Variants in NTRK2 observed in about 807,000 individuals in gnomAD.
NTRK2 encodes the protein neurotrophic receptor tyrosine kinase 2, also known as BDNF/NT-3 growth factors receptor.
In NTRK2, 13 loss-of-function variants were observed where a neutral mutation model predicts 94.5. The observed-to-expected ratio is 0.14, with a 90% CI of 0.09 to 0.22. The LOEUF is 0.22. Among genes scored for constraint, NTRK2 ranks in the 10% least tolerant of loss-of-function variants. The pLI is 1.00. For missense variants in NTRK2, 639 were observed against 1,071.2 expected, an observed-to-expected ratio of 0.60 and a Z score of 5.63; for synonymous variants, 372 against 407.4, an observed-to-expected ratio of 0.91 and a Z score of 1.05.
chr9:84,736,474 G>A (rs373862784), intron 9 of NTRK2, among the ~76,000 whole-genome samples: 2 of 152,156 alleles, frequency 1.3e-5, no homozygotes, highest in Non-Finnish European at 2.9e-5. Context: ...TCTAAAGAAC[G>A]AGGGGAGAGG....
rs146065112 is a variant in NTRK2, at chr9:84,673,263, G to A, written c.212+2303G>A. Among the ~76,000 whole-genome samples the A allele has an allele frequency of 1.3e-3, 203 of 152,298 alleles. 2 individuals are homozygous for A. The highest frequency in any genetic ancestry group is 4.7e-3 in the African/African-American group (195 of 41,568). Reference sequence around the variant, plus strand: ...TGACCTAAAAATGACATCAGTGGATGCGCTTGTTTCACTCGCATCCTTATA... The same window carrying A: ...TGACCTAAAAATGACATCAGTGGATACGCTTGTTTCACTCGCATCCTTATA... On this transcript the variant is annotated intron_variant, in intron 2 of 18. Coordinates refer to ENST00000277120, the MANE Select transcript of NTRK2 (RefSeq NM_006180.6).
At chr9:84,867,124 TG>T in intron 13 of NTRK2, 118 bp from the exon 14 acceptor site, 2 of 920,088 alleles carry the variant, frequency 2.2e-6, no homozygotes, top group Non-Finnish European at 3.4e-6. Context: ...TGTACTACTC[TG>T]TGAATATACT....
chr9:84,707,963 G>T lies in NTRK2; in HGVS notation c.428+51G>T, dbSNP rs568541269. ...TGGGGAAATGTTTTCAAAGGAAGGG[G>T]TAATTAAGTATTTTTCTTTTAATGA... On this transcript the variant is annotated intron_variant, in intron 5 of 18. Coordinates refer to ENST00000277120, the MANE Select transcript of NTRK2 (RefSeq NM_006180.6). 10 of 1,433,514 alleles carry T rather than the reference G, an allele frequency of 7.0e-6. No homozygotes were observed. In the South Asian group the frequency reaches 1.2e-4, roughly 17 times the overall value. 88.8% of individuals were successfully genotyped at this position (1,433,514 alleles called of 1,614,324 possible).
At chr9:84,891,923 G>T (rs1230481955) in intron 14 of NTRK2, among the ~76,000 whole-genome samples, 7 of 147,738 alleles carry the variant, frequency 4.7e-5, no homozygotes, top group East Asian at 2.0e-4. Flanking sequence ...ACTAAAACTG[G>T]TTTTTTTTTT....
At chr9:84,709,655 T>G (rs2061312229) in intron 5 of NTRK2, among the ~76,000 whole-genome samples, 1 of 152,084 alleles carries the variant, frequency 6.6e-6, no homozygotes, top group Non-Finnish European at 1.5e-5. Context: ...TTCACGGAAA[T>G]CTTAAGTATT....
intron 12 of NTRK2, chr9:84,814,574 A>G (rs2072179760): frequency 9.4e-7 from 1 of 1,065,840 alleles, no homozygotes; most frequent in African/African-American, 1.6e-5. Context: ...TGGAATCAAG[A>G]TACTACACAA....
chr9:84,921,948 C>T (rs891116487), intron 14 of NTRK2, among the ~76,000 whole-genome samples: 2 of 152,060 alleles, frequency 1.3e-5, no homozygotes, highest in Non-Finnish European at 2.9e-5. Context: ...CCATCTTAAA[C>T]TCTTTGGTAC....
At chr9:84,720,020 A>G in intron 6 of NTRK2, among the ~76,000 whole-genome samples, 1 of 51,956 alleles carries the variant, frequency 1.9e-5, no homozygotes, top group East Asian at 9.5e-4. Flanking sequence ...ACTATCTCAA[A>G]AAAAAAAAAA....
chr9:84,752,215 C>T, intron 12 of NTRK2, 130 bp downstream of exon 12: 1 of 762,984 alleles, frequency 1.3e-6, no homozygotes, highest in Non-Finnish European at 2.3e-6. Context: ...AAAATAGCAA[C>T]AAGGCTTTGA....
chr9:84,878,655 A>G (rs1407895373), intron 14 of NTRK2, among the ~76,000 whole-genome samples: 1 of 151,316 alleles, frequency 6.6e-6, no homozygotes, highest in East Asian at 1.9e-4. Flanking sequence ...AAAAATTCTG[A>G]TATTTTTTAA....
At chr9:84,814,673 T>C (rs1336680368) in intron 12 of NTRK2, 2 of 1,065,090 alleles carry the variant, frequency 1.9e-6, no homozygotes, top group Non-Finnish European at 2.3e-6. Context: ...TGAATCTGAT[T>C]CCTTCACACT....
At chr9:84,944,144 G>A (rs1032146627) in intron 15 of NTRK2, among the ~76,000 whole-genome samples, 8 of 149,502 alleles carry the variant, frequency 5.4e-5, no homozygotes, top group Non-Finnish European at 5.9e-5. Context: ...GGAAATGTTA[G>A]ATGCTTCTTA....
intron 12 of NTRK2, chr9:84,812,677 T>G: frequency 9.6e-7 from 1 of 1,043,144 alleles, no homozygotes; most frequent in Non-Finnish European, 1.2e-6. Context: ...CAAAAAAGAT[T>G]TTTAAAGCTT....
intron 12 of NTRK2, among the ~76,000 whole-genome samples, chr9:84,783,806 A>G (rs2067850810): frequency 6.7e-6 from 1 of 149,714 alleles, no homozygotes; most frequent in African/African-American, 2.5e-5. Context: ...GGGAGAAGAG[A>G]CTGCTGGGTT....
In NTRK2 at chr9:84,700,641, T is replaced by C. The variant is rs546217764; in HGVS notation, c.213-1518T>C. On this transcript the variant is annotated intron_variant, in intron 2 of 18. Transcript: ENST00000277120. Reference sequence around the variant, plus strand: ...TTAAAATTTATTTTCTAAAAAGAGGTGCCCAAACCCTTACTATACAGCTTG... The same window carrying C: ...TTAAAATTTATTTTCTAAAAAGAGGCGCCCAAACCCTTACTATACAGCTTG... Among the ~76,000 whole-genome samples the C allele has an allele frequency of 2.6e-5, 4 of 152,280 alleles. No homozygotes were observed. The East Asian group carries it at 7.7e-4, about 29-fold the overall frequency.
intron 12 of NTRK2, among the ~76,000 whole-genome samples, chr9:84,841,689 C>T (rs914911053): frequency 1.3e-4 from 20 of 152,162 alleles, no homozygotes; most frequent in African/African-American, 4.6e-4. Context: ...CTGTCCCGGT[C>T]CCTCCTCCCA....
intron 12 of NTRK2, among the ~76,000 whole-genome samples, chr9:84,759,497 T>C (rs1471733735): frequency 6.6e-6 from 1 of 152,256 alleles, no homozygotes; most frequent in Non-Finnish European, 1.5e-5. Flanking sequence ...GAGCTCTTGT[T>C]TTCCTGTAAT....
intron 14 of NTRK2, among the ~76,000 whole-genome samples, chr9:84,915,025 T>TA (rs748418882): frequency 2.0e-4 from 30 of 152,276 alleles, no homozygotes; most frequent in Non-Finnish European, 3.4e-4. Context: ...AGGCATTAGT[T>TA]AGAGTCTCAT....
intron 14 of NTRK2, among the ~76,000 whole-genome samples, chr9:84,880,356 G>A (rs888340835): frequency 2.0e-5 from 3 of 152,172 alleles, no homozygotes; most frequent in African/African-American, 7.2e-5. Context: ...GGAGGCCAAG[G>A]GAACACAGTG....
Sources: gnomAD v4.1 joint callset for allele counts (sites outside exome capture counted in the v4.1 genomes callset) on GRCh38, gnomAD v4.1.1 for gene constraint, MANE v1.5 for transcripts, NCBI Gene and HGNC (gene_info 2026-07-23, HGNC 2026-07-21) for gene names.